The following COL4A6 variants were observed in gnomAD, a reference collection of about 807,000 sequenced individuals.
The protein encoded by COL4A6 is collagen type IV alpha 6 chain.
Under a neutral mutation model 126.7 loss-of-function variants are expected in COL4A6, and 59 were observed. The ratio of observed to expected loss-of-function variants is 0.47; its 90% confidence interval spans 0.38 to 0.58. The LOEUF is 0.58. Ranked by LOEUF, COL4A6 falls within the 20% of genes least tolerant of loss-of-function variation. The probability of loss-of-function intolerance (pLI) is 0.00; values close to 1 mark genes in which losing one functional copy is unlikely to be tolerated. For missense variants in COL4A6, 1,285 were observed against 1,337.3 expected (o/e 0.96, Z 0.61); for synonymous variants, 547 against 496.6 (o/e 1.10, Z -1.35).
At chrX:108,354,179 G>A (rs986922118) in intron 2 of COL4A6, among the ~76,000 whole-genome samples, 2 of 111,012 alleles carry the variant, frequency 1.8e-5, no homozygotes, top group South Asian at 3.9e-4. Flanking sequence ...AATAAGTGAC[G>A]CTATGAGAAG....
At position 108,396,804 on chromosome X, in the gene COL4A6, G is replaced by A. The variant is rs760979114; in HGVS notation, c.63+41138C>T. On this transcript the variant is annotated intron_variant, in intron 2 of 44. Transcript: ENST00000334504. Reference sequence around the variant, plus strand: ...AGACAATCAATGTAATTTGACATGAGCTCCCTTTCTCTGCCTGTTCGATTT... The same window carrying A: ...AGACAATCAATGTAATTTGACATGAACTCCCTTTCTCTGCCTGTTCGATTT... Among the ~76,000 whole-genome samples the A allele has an allele frequency of 6.3e-5, 7 of 111,468 alleles. No homozygotes were observed. The South Asian group carries it at 1.1e-3, about 18-fold the overall frequency.
chrX:108,391,227 T>A (rs2040831321), intron 2 of COL4A6, among the ~76,000 whole-genome samples: 2 of 112,124 alleles, frequency 1.8e-5, no homozygotes, highest in Non-Finnish European at 1.9e-5. Context: ...AACGCTGTGC[T>A]GGGAGAACCG....
rs879906672 is a variant in COL4A6 at position 108,354,608 on chromosome X, C to CT, written c.64-43781dup. Among the ~76,000 whole-genome samples, 261 of 91,533 alleles carry CT rather than the reference C, an allele frequency of 2.9e-3. 3 individuals are homozygous for CT. Among genetic ancestry groups the CT allele is most frequent in the African/African-American group, 9.5e-3 (234 of 24,570 alleles). 79.5% of individuals were successfully genotyped at this position (91,533 alleles called of 115,157 possible). On this transcript the variant is annotated intron_variant, in intron 2 of 44. Coordinates refer to ENST00000334504, the MANE Select transcript of COL4A6 (RefSeq NM_033641.4). ...TGCAGTTTAAATCCCTCCCCCCCCC[C>CT]TTTTTTTTTACTTCATTTAGCAAAC...
At chrX:108,254,710 T>TA (rs778987977) in intron 3 of COL4A6, among the ~76,000 whole-genome samples, 3 of 110,898 alleles carry the variant, frequency 2.7e-5, no homozygotes, top group Non-Finnish European at 5.7e-5. Flanking sequence ...CTCACACACT[T>TA]ATCTAAATCT....
At chrX:108,274,536 A>G (rs753288538) in intron 3 of COL4A6, among the ~76,000 whole-genome samples, 15 of 111,931 alleles carry the variant, frequency 1.3e-4, no homozygotes, top group African/African-American at 4.2e-4. Flanking sequence ...TGCTGTCTCT[A>G]AGATACAGCT....
intron 2 of COL4A6, among the ~76,000 whole-genome samples, chrX:108,335,808 C>T (rs2039419029): frequency 9.0e-6 from 1 of 110,832 alleles, no homozygotes. Context: ...GCTGACTATA[C>T]AGAACATTTT....
intron 3 of COL4A6, among the ~76,000 whole-genome samples, chrX:108,305,721 A>G (rs1159270446): frequency 8.9e-6 from 1 of 112,023 alleles, no homozygotes; most frequent in African/African-American, 3.3e-5. Flanking sequence ...GATTGGAGGT[A>G]GTAGGGAAAG....
At chrX:108,427,395 AAGAAG>A (rs2064105635) in intron 2 of COL4A6, among the ~76,000 whole-genome samples, 1 of 112,227 alleles carries the variant, frequency 8.9e-6, no homozygotes, top group Admixed American at 9.5e-5. Context: ...AGAAAGACAA[AAGAAG>A]AGGAGACTTC....
chrX:108,191,260 C>T, intron 19 of COL4A6, 133 bp downstream of exon 19: 1 of 778,481 alleles, frequency 1.3e-6, no homozygotes, highest in Non-Finnish European at 1.8e-6. Context: ...GCCTTCATGG[C>T]TGCCCCTCTG....
chrX:108,236,750 T>C (rs2036438166), intron 3 of COL4A6, among the ~76,000 whole-genome samples: 1 of 111,926 alleles, frequency 8.9e-6, no homozygotes, highest in Admixed American at 9.4e-5. Context: ...CCTGGCAATC[T>C]GGGCCTACCA....
chrX:108,268,546 T>C (rs775056437), intron 3 of COL4A6: 6 of 113,421 alleles, frequency 5.3e-5, no homozygotes, highest in Admixed American at 9.2e-5. Context: ...CAATACTATG[T>C]TGCCAACCAT....
intron 3 of COL4A6, among the ~76,000 whole-genome samples, chrX:108,271,053 T>G (rs1352011689): frequency 2.7e-5 from 3 of 112,257 alleles, no homozygotes; most frequent in Non-Finnish European, 5.6e-5. Flanking sequence ...CAACAGCTCT[T>G]TACTCTGTTT....
intron 2 of COL4A6, among the ~76,000 whole-genome samples, chrX:108,361,790 G>T (rs2040090563): frequency 1.8e-5 from 2 of 111,607 alleles, no homozygotes; most frequent in South Asian, 7.5e-4. Flanking sequence ...GATAAAAGGA[G>T]TCATAAATAC....
At chrX:108,160,309 C>T (rs1302328727) in intron 43 of COL4A6, among the ~76,000 whole-genome samples, 154 bp downstream of exon 43, 1 of 112,274 alleles carries the variant, frequency 8.9e-6, no homozygotes, top group East Asian at 2.8e-4. Context: ...GTGATAGAGC[C>T]AGGATTTGAA....
At chrX:108,240,255 AAACAAC>A (rs773960653) in intron 3 of COL4A6, among the ~76,000 whole-genome samples, 2 of 111,349 alleles carry the variant, frequency 1.8e-5, no homozygotes, top group Non-Finnish European at 3.8e-5. Context: ...AACAAAAACA[AAACAAC>A]AACAACAACA....
chrX:108,262,326 T>G (rs780794185), intron 3 of COL4A6, among the ~76,000 whole-genome samples: 2 of 111,536 alleles, frequency 1.8e-5, no homozygotes, highest in East Asian at 5.7e-4. Flanking sequence ...ATTCTTGCAT[T>G]AACATGAAGA....
At chrX:108,378,512 G>C (rs1254141637) in intron 2 of COL4A6, among the ~76,000 whole-genome samples, 3 of 112,269 alleles carry the variant, frequency 2.7e-5, no homozygotes, top group Non-Finnish European at 5.6e-5. Flanking sequence ...ATAGAAGCTG[G>C]CCAGATGTTT....
Position 108,438,255 on chromosome X carries a change from G to A in COL4A6, c.-59C>T. On this transcript the variant is annotated 5_prime_UTR_variant, in exon 1 of 45. Coordinates refer to ENST00000334504, the MANE Select transcript of COL4A6 (RefSeq NM_033641.4). ...ACTGCTAAGCGGCTCCGCGGCCCGT[G>A]CTCATCTGGGCTCTGCTGATGCTTG... 2 of 1,150,308 alleles carry A rather than the reference G, an allele frequency of 1.7e-6. No individual in the cohort carries two copies. The highest frequency in any genetic ancestry group is 2.5e-4 in the Middle Eastern group (1 of 4,045). The allele number at this position is 1,150,308 out of a possible 1,213,427, so 94.8% of individuals were successfully genotyped here.
intron 3 of COL4A6, among the ~76,000 whole-genome samples, chrX:108,265,213 C>T (rs142110018): frequency 0.03 from 3,310 of 110,858 alleles, 119 homozygotes; most frequent in African/African-American, 0.1. Context: ...GATTCCTGGA[C>T]ATTCAGCATC....
Sources: allele counts gnomAD v4.1 joint callset (sites outside exome capture counted in the v4.1 genomes callset), GRCh38; gene constraint gnomAD v4.1.1; transcripts MANE v1.5; gene names NCBI Gene and HGNC (gene_info 2026-07-23, HGNC 2026-07-21).